The following SLC24A3 variants were observed in gnomAD, a reference collection of about 807,000 sequenced individuals.
SLC24A3 encodes sodium/potassium/calcium exchanger 3.
In SLC24A3, 28 loss-of-function variants were observed where a neutral mutation model predicts 75.8. That is an observed-to-expected ratio of 0.37 (90% CI 0.27 to 0.51). SLC24A3 has a LOEUF of 0.51. Ranked by LOEUF, SLC24A3 falls within the 20% of genes least tolerant of loss-of-function variation. The pLI, the probability that SLC24A3 is intolerant of heterozygous loss-of-function variation, is 0.94. For synonymous variants in SLC24A3, 372 were observed against 334.1 expected (o/e 1.11, Z -1.24); for missense variants, 663 against 847.8 (o/e 0.78, Z 2.71).
intron 2 of SLC24A3, among the ~76,000 whole-genome samples, chr20:19,404,681 G>T (rs1986611005): frequency 6.6e-6 from 1 of 152,204 alleles, no homozygotes; most frequent in Non-Finnish European, 1.5e-5. Context: ...GGTCGGGCTG[G>T]ACACTCCTGT....
At chr20:19,365,792 T>C (rs1261581049) in intron 2 of SLC24A3, among the ~76,000 whole-genome samples, 8 of 152,156 alleles carry the variant, frequency 5.3e-5, no homozygotes, top group African/African-American at 1.7e-4. Context: ...CATTAACATA[T>C]CCAATTGCAA....
At chr20:19,432,296 TTA>T (rs1216001984) in intron 2 of SLC24A3, among the ~76,000 whole-genome samples, 5 of 147,398 alleles carry the variant, frequency 3.4e-5, no homozygotes, top group Non-Finnish European at 6.0e-5. Flanking sequence ...ATATATAAGA[TTA>T]TATATATATA....
At chr20:19,462,425 C>A (rs907901110) in intron 2 of SLC24A3, among the ~76,000 whole-genome samples, 5 of 136,160 alleles carry the variant, frequency 3.7e-5, no homozygotes. Context: ...CCCGGCTAAG[C>A]TTTCTAACAG....
At chr20:19,506,282 G>C (rs1332318394) in intron 2 of SLC24A3, among the ~76,000 whole-genome samples, 1 of 152,184 alleles carries the variant, frequency 6.6e-6, no homozygotes, top group African/African-American at 2.4e-5. Flanking sequence ...TTGATTGATA[G>C]TTTAATGATC....
chr20:19,274,310 A>G (rs1444159112), intron 1 of SLC24A3, among the ~76,000 whole-genome samples: 1 of 152,026 alleles, frequency 6.6e-6, no homozygotes, highest in East Asian at 2.0e-4. Context: ...CAATTTAAAC[A>G]GAACCTATCG....
chr20:19,364,414 A>T (rs1406845130), intron 2 of SLC24A3, among the ~76,000 whole-genome samples: 1 of 151,816 alleles, frequency 6.6e-6, no homozygotes, highest in Non-Finnish European at 1.5e-5. Flanking sequence ...CAGTTCAGGA[A>T]TAAGGTGTCC....
intron 6 of SLC24A3, among the ~76,000 whole-genome samples, chr20:19,642,602 T>G (rs1010258726): frequency 6.6e-6 from 1 of 152,210 alleles, no homozygotes; most frequent in Non-Finnish European, 1.5e-5. Context: ...GCACATATTT[T>G]TATCACTGTA....
intron 6 of SLC24A3, among the ~76,000 whole-genome samples, chr20:19,590,582 G>A (rs1034124537): frequency 6.6e-6 from 1 of 152,212 alleles, no homozygotes; most frequent in Non-Finnish European, 1.5e-5. Flanking sequence ...AAGAGGGCAG[G>A]TGTGGCAGAA....
At chr20:19,287,397 G>A (rs1051903885) in intron 2 of SLC24A3, among the ~76,000 whole-genome samples, 2 of 152,258 alleles carry the variant, frequency 1.3e-5, no homozygotes, top group African/African-American at 4.8e-5. Flanking sequence ...GCTGGCCCAT[G>A]TACATCAGTG....
chr20:19,236,900 G>A (rs1195420736), intron 1 of SLC24A3, among the ~76,000 whole-genome samples: 1 of 152,142 alleles, frequency 6.6e-6, no homozygotes, highest in East Asian at 1.9e-4. Context: ...CCTTGGGGAT[G>A]GTGGCTCATG....
chr20:19,369,866 C>T (rs1442984371), intron 2 of SLC24A3, among the ~76,000 whole-genome samples: 6 of 152,062 alleles, frequency 3.9e-5, no homozygotes, highest in African/African-American at 1.4e-4. Context: ...GAGAGTTTCA[C>T]TATGTTACAA....
In SLC24A3 at chr20:19,240,665, AAGG is replaced by A. The variant is rs555943137; in HGVS notation, c.142+27686_142+27688del. On this transcript the variant is annotated intron_variant, in intron 1 of 16. Transcript: ENST00000328041. ...GGGCAGGTGAGTAATTGAGGGAGGG[AAGG>A]AGGATAGGCTGGGGATGAAGGTTGG... 3.9e-5 allele frequency among the ~76,000 whole-genome samples: 6 copies of A among 152,158 alleles called. No homozygotes were observed. In the East Asian group the frequency reaches 9.7e-4, roughly 25 times the overall value.
At chr20:19,311,592 G>A (rs1984458432) in intron 2 of SLC24A3, among the ~76,000 whole-genome samples, 1 of 151,982 alleles carries the variant, frequency 6.6e-6, no homozygotes, top group South Asian at 2.1e-4. Flanking sequence ...TGGGAGGTGT[G>A]GGGTAAAGGA....
intron 1 of SLC24A3, among the ~76,000 whole-genome samples, chr20:19,230,143 GA>G (rs1195130487): frequency 6.6e-6 from 1 of 151,536 alleles, no homozygotes; most frequent in African/African-American, 2.4e-5. Context: ...TATCAACCTT[GA>G]AAGAGAAGGT....
chr20:19,668,646 G>T (rs113665216), intron 8 of SLC24A3, among the ~76,000 whole-genome samples: 7,333 of 152,294 alleles, frequency 0.048, 268 homozygotes, highest in Middle Eastern at 0.11. Context: ...CTGTCATGCA[G>T]TTCAGATTCT....
intron 15 of SLC24A3, among the ~76,000 whole-genome samples, chr20:19,714,853 C>G (rs2033027619): frequency 6.6e-6 from 1 of 152,140 alleles, no homozygotes; most frequent in African/African-American, 2.4e-5. Context: ...AATGTTTGGC[C>G]AAAGGGAATT....
At chr20:19,507,884 C>T (rs1476896707) in intron 2 of SLC24A3, among the ~76,000 whole-genome samples, 1 of 152,172 alleles carries the variant, frequency 6.6e-6, no homozygotes, top group East Asian at 1.9e-4. Flanking sequence ...CATTCAGTCA[C>T]ACTTGATATT....
At chr20:19,294,182 A>G (rs1404729777) in intron 2 of SLC24A3, among the ~76,000 whole-genome samples, 1 of 151,778 alleles carries the variant, frequency 6.6e-6, no homozygotes, top group South Asian at 2.1e-4. Context: ...TTAATGGAAA[A>G]CTCTAGCATT....
intron 2 of SLC24A3, among the ~76,000 whole-genome samples, chr20:19,319,654 T>C (rs1984663289): frequency 6.6e-6 from 1 of 152,068 alleles, no homozygotes. Flanking sequence ...TGGCCCTAGG[T>C]TGGATGCAGT....
Sources: gnomAD v4.1 joint callset for allele counts (sites outside exome capture counted in the v4.1 genomes callset) on GRCh38, gnomAD v4.1.1 for gene constraint, MANE v1.5 for transcripts, NCBI Gene and HGNC (gene_info 2026-07-23, HGNC 2026-07-21) for gene names.